The following BLTP3A variants were observed in gnomAD, a reference collection of about 807,000 sequenced individuals.
BLTP3A encodes ICBP90 binding protein 1.
At chr6:34,814,779 G>A in the BLTP3A span, among the ~76,000 whole-genome samples, 3 of 152,132 alleles carry the variant, frequency 2.0e-5, no homozygotes, top group East Asian at 5.8e-4. Context: ...GGTTTTTGAT[G>A]GAGTTACACT....
the BLTP3A span, among the ~76,000 whole-genome samples, chr6:34,813,628 C>A: frequency 3.3e-5 from 5 of 152,318 alleles, no homozygotes; most frequent in South Asian, 6.2e-4. Flanking sequence ...TTTTTAGCTG[C>A]CCTTGGACTC....
At chr6:34,800,884 T>C in the BLTP3A span, among the ~76,000 whole-genome samples, 3 of 151,924 alleles carry the variant, frequency 2.0e-5, no homozygotes, top group Non-Finnish European at 4.4e-5. Flanking sequence ...CATGCCACCG[T>C]GCCTGGCTAA....
At chr6:34,808,535 A>G in the BLTP3A span, among the ~76,000 whole-genome samples, 2 of 152,080 alleles carry the variant, frequency 1.3e-5, no homozygotes, top group Non-Finnish European at 2.9e-5. Flanking sequence ...AGGGGTTATC[A>G]TTATAGATCG....
At chr6:34,859,543 C>T in the BLTP3A span, 1 of 1,613,936 alleles carries the variant, frequency 6.2e-7, no homozygotes, top group African/African-American at 1.3e-5. Flanking sequence ...CTCCACCATG[C>T]ACAAGATGTT....
At chr6:34,792,438 C>T in the BLTP3A span, 2 of 824,984 alleles carry the variant, frequency 2.4e-6, no homozygotes, top group Non-Finnish European at 3.4e-6. Context: ...CTAACTCGAG[C>T]CCGGACAGCT....
the BLTP3A span, among the ~76,000 whole-genome samples, chr6:34,832,687 A>G: frequency 1.3e-5 from 2 of 151,714 alleles, no homozygotes; most frequent in South Asian, 2.1e-4. Flanking sequence ...CTGGGCTCAA[A>G]TGATCCTCCA....
At chr6:34,835,590 G>A in the BLTP3A span, 121,427 of 1,051,650 alleles carry the variant, frequency 0.12, 7,904 homozygotes, top group African/African-American at 0.25. Context: ...GGTATTCATA[G>A]GCTTTGCCTG....
At chr6:34,820,022 T>A in the BLTP3A span, among the ~76,000 whole-genome samples, 6 of 152,198 alleles carry the variant, frequency 3.9e-5, no homozygotes, top group Non-Finnish European at 7.3e-5. Flanking sequence ...AGGTGACTGG[T>A]TGTTCTTTTT....
chr6:34,844,306 T>G, the BLTP3A span, among the ~76,000 whole-genome samples: 1 of 150,946 alleles, frequency 6.6e-6, no homozygotes, highest in Admixed American at 6.6e-5. Context: ...GACAGAGTCT[T>G]GCTGTGTTGC....
At chr6:34,825,863 G>A in the BLTP3A span, among the ~76,000 whole-genome samples, 2 of 152,158 alleles carry the variant, frequency 1.3e-5, no homozygotes, top group South Asian at 2.1e-4. Flanking sequence ...TATGAATAAT[G>A]CTGCTGTGAA....
the BLTP3A span, chr6:34,858,433 C>T: frequency 6.2e-7 from 1 of 1,614,184 alleles, no homozygotes; most frequent in South Asian, 1.1e-5. Flanking sequence ...TTCCTGGGAT[C>T]TCTGGTCTGT....
chr6:34,806,815 A>G, the BLTP3A span, among the ~76,000 whole-genome samples: 1 of 152,114 alleles, frequency 6.6e-6, no homozygotes, highest in Admixed American at 6.6e-5. Flanking sequence ...TCCTGCCACC[A>G]CGCCCGGCTA....
At chr6:34,857,643 C>T in the BLTP3A span, 7 of 1,480,074 alleles carry the variant, frequency 4.7e-6, no homozygotes, top group Admixed American at 3.8e-5. Flanking sequence ...TTGCTCTGTT[C>T]GTAATATAGT....
At chr6:34,793,481 G>C in the BLTP3A span, among the ~76,000 whole-genome samples, 1 of 152,138 alleles carries the variant, frequency 6.6e-6, no homozygotes, top group Non-Finnish European at 1.5e-5. Flanking sequence ...TAAGCGGTGT[G>C]TGAGACACTT....
the BLTP3A span, chr6:34,835,180 A>G: frequency 6.1e-6 from 7 of 1,149,478 alleles, no homozygotes; most frequent in South Asian, 1.5e-5. Context: ...AGTGCTTGAT[A>G]CTTTCACATA....
chr6:34,869,919 G>A, the BLTP3A span, among the ~76,000 whole-genome samples: 4 of 152,004 alleles, frequency 2.6e-5, no homozygotes, highest in African/African-American at 7.2e-5. Context: ...AAAGTCTTAG[G>A]ATTACAGGCA....
chr6:34,792,462 G>C, the BLTP3A span, among the ~76,000 whole-genome samples: 2 of 152,010 alleles, frequency 1.3e-5, no homozygotes, highest in Admixed American at 6.5e-5. Flanking sequence ...CCCCGCGCCC[G>C]CCGGCGCCCA....
At chr6:34,830,852 G>A in the BLTP3A span, among the ~76,000 whole-genome samples, 1 of 152,024 alleles carries the variant, frequency 6.6e-6, no homozygotes, top group African/African-American at 2.4e-5. Context: ...TTCCATATCT[G>A]GTATTGTCTA....
At chr6:34,857,858 G>A in the BLTP3A span, 1 of 1,613,984 alleles carries the variant, frequency 6.2e-7, no homozygotes, top group African/African-American at 1.3e-5. Flanking sequence ...CTACAAGCTG[G>A]AAGATTCAAG....
Sources: allele counts gnomAD v4.1 joint callset (sites outside exome capture counted in the v4.1 genomes callset), GRCh38; gene constraint gnomAD v4.1.1; transcripts MANE v1.5; gene names NCBI Gene and HGNC (gene_info 2026-07-23, HGNC 2026-07-21).